The following RBFOX1 variants were observed in gnomAD, a reference collection of about 807,000 sequenced individuals.
RBFOX1 encodes RNA binding fox-1 homolog 1.
RBFOX1 carries 8 observed loss-of-function variants against 57.7 expected under a neutral mutation model. The ratio of observed to expected loss-of-function variants is 0.14; its 90% CI spans 0.08 to 0.25. The LOEUF (loss-of-function observed/expected upper bound fraction) is 0.25, where lower values mean the gene tolerates loss of function less well. Among genes scored for constraint, RBFOX1 ranks in the 10% least tolerant of loss-of-function variants. RBFOX1 has a pLI of 1.00. For missense variants in RBFOX1, 611 were observed against 548.5 expected (o/e 1.11, Z -1.14); for synonymous variants, 326 against 222.4 (o/e 1.47, Z -4.15).
chr16:7,030,347 A>G (rs371029761), intron 3 of RBFOX1, among the ~76,000 whole-genome samples: 5 of 152,186 alleles, frequency 3.3e-5, no homozygotes, highest in East Asian at 1.9e-4. Context: ...TAGCATTGCC[A>G]TAAGTTAACG....
intron 1 of RBFOX1, among the ~76,000 whole-genome samples, chr16:6,114,479 A>G (rs17802677): frequency 4.6e-5 from 7 of 152,316 alleles, no homozygotes; most frequent in Non-Finnish European, 1.0e-4. Flanking sequence ...TAAAAAGGCA[A>G]TAGTTGCTGC....
At position 7,587,833 on chromosome 16, in the gene RBFOX1, T is replaced by G. The variant is rs543694894; in HGVS notation, c.468+533T>G. Among the ~76,000 whole-genome samples, 3 of 152,318 alleles carry G rather than the reference T, an allele frequency of 2.0e-5. No homozygotes were observed. In the South Asian group the frequency reaches 6.2e-4, roughly 32 times the overall value. On this transcript the variant is annotated intron_variant, in intron 7 of 15. Coordinates refer to ENST00000550418, the MANE Select transcript of RBFOX1 (RefSeq NM_018723.4). ...ACCAATTTTTAAATAGATTCCCTAG[T>G]GCTAATAAAAGTCAGGGGCTCTATG...
chr16:7,500,350 T>G (rs1228374472), intron 4 of RBFOX1, among the ~76,000 whole-genome samples: 1 of 152,196 alleles, frequency 6.6e-6, no homozygotes, highest in Non-Finnish European at 1.5e-5. Flanking sequence ...TCTGCTTAGT[T>G]GGGTTGTACT....
chr16:5,631,157 GT>G (rs2048494141), intron 3 of RBFOX1, among the ~76,000 whole-genome samples: 2 of 152,204 alleles, frequency 1.3e-5, no homozygotes, highest in African/African-American at 4.8e-5. Context: ...CATTGAGTAT[GT>G]CGGAATTTGC....
intron 2 of RBFOX1, among the ~76,000 whole-genome samples, chr16:5,471,075 C>A (rs976462552): frequency 6.6e-6 from 1 of 152,116 alleles, no homozygotes; most frequent in African/African-American, 2.4e-5. Context: ...CTCAGGTGAT[C>A]CACCGGCCTC....
chr16:7,368,900 C>G (rs142952322), intron 4 of RBFOX1, among the ~76,000 whole-genome samples: 16 of 152,234 alleles, frequency 1.1e-4, no homozygotes, highest in African/African-American at 3.9e-4. Context: ...AAAGTGCCCT[C>G]TAATGGCCTG....
chr16:7,242,503 G>A (rs1294222125), intron 4 of RBFOX1, among the ~76,000 whole-genome samples: 3 of 152,112 alleles, frequency 2.0e-5, no homozygotes, highest in African/African-American at 4.8e-5. Context: ...ACCTCCCCCT[G>A]CATCCTCATT....
chr16:7,380,817 A>T (rs1298497558), intron 4 of RBFOX1, among the ~76,000 whole-genome samples: 3 of 152,222 alleles, frequency 2.0e-5, no homozygotes, highest in Non-Finnish European at 2.9e-5. Context: ...AGAAATTCAG[A>T]TTTCATAGAA....
chr16:7,034,611 T>C (rs1029610709), intron 3 of RBFOX1, among the ~76,000 whole-genome samples: 3 of 151,930 alleles, frequency 2.0e-5, no homozygotes, highest in Admixed American at 6.6e-5. Flanking sequence ...CCTGGCAATG[T>C]TTTTGTGTCT....
chr16:7,437,257 C>T (rs2058299), intron 4 of RBFOX1, among the ~76,000 whole-genome samples: 2 of 134,394 alleles, frequency 1.5e-5, no homozygotes, highest in African/African-American at 4.9e-5. Flanking sequence ...TTTGCCCCCC[C>T]CCCCTTTCTG....
chr16:6,563,792 A>C (rs183603059), intron 2 of RBFOX1, among the ~76,000 whole-genome samples: 1 of 151,964 alleles, frequency 6.6e-6, no homozygotes, highest in Non-Finnish European at 1.5e-5. Flanking sequence ...AGCCACTGCA[A>C]TCCAGTCTAG....
intron 7 of RBFOX1, among the ~76,000 whole-genome samples, chr16:7,589,912 G>GGTGTGTGTGTGT (rs3029164): frequency 0.12 from 15,650 of 134,858 alleles, 1,217 homozygotes; most frequent in Non-Finnish European, 0.16. Flanking sequence ...GTGTGTGCTG[G>GGTGTGTGTGTGT]GTGTGTGTGT....
At chr16:6,863,294 G>C (rs756485540) in intron 3 of RBFOX1, among the ~76,000 whole-genome samples, 1 of 152,250 alleles carries the variant, frequency 6.6e-6, no homozygotes, top group South Asian at 2.1e-4. Flanking sequence ...TGGGAAAAGT[G>C]ATTAGCAGCA....
chr16:6,147,705 C>G (rs1271240842), intron 1 of RBFOX1, among the ~76,000 whole-genome samples: 2 of 152,174 alleles, frequency 1.3e-5, no homozygotes, highest in Non-Finnish European at 1.5e-5. Flanking sequence ...GAACATGTTA[C>G]GTTCAACTCA....
rs74794865 is a variant in RBFOX1, at chr16:5,413,565, T to C, written c.220-53651T>C. 3.3e-3 allele frequency among the ~76,000 whole-genome samples: 496 copies of C among 152,346 alleles called. 4 individuals are homozygous for C. The highest frequency in any genetic ancestry group is 0.011 in the African/African-American group (472 of 41,582). ...GCCACCATATCAGACAGCACAGACG[T>C]AGAACATTTCCATTGTCACGGGAGG... On this transcript the variant is annotated intron_variant, in intron 1 of 2. Coordinates refer to the RBFOX1 transcript ENST00000585867.
At chr16:5,240,395 C>T (rs1374589004) in intron 1 of RBFOX1, among the ~76,000 whole-genome samples, 1 of 152,124 alleles carries the variant, frequency 6.6e-6, no homozygotes, top group Non-Finnish European at 1.5e-5. Context: ...GTCCTGGGGG[C>T]CCCCAGCAGG....
chr16:7,364,606 G>C (rs1357641073), intron 4 of RBFOX1, among the ~76,000 whole-genome samples: 1 of 149,378 alleles, frequency 6.7e-6, no homozygotes, highest in Non-Finnish European at 1.5e-5. Context: ...AAAAAAACTT[G>C]GATCCCAGAA....
chr16:7,197,836 C>A (rs1414349263), intron 4 of RBFOX1, among the ~76,000 whole-genome samples: 1 of 151,976 alleles, frequency 6.6e-6, no homozygotes, highest in Non-Finnish European at 1.5e-5. Flanking sequence ...ACATGTTATT[C>A]CATTTCCGTG....
At chr16:5,715,163 A>T (rs894749643) in intron 3 of RBFOX1, among the ~76,000 whole-genome samples, 2 of 152,214 alleles carry the variant, frequency 1.3e-5, no homozygotes, top group African/African-American at 4.8e-5. Flanking sequence ...ACTAACCATT[A>T]GATTATTGTT....
Sources: allele counts gnomAD v4.1 joint callset (sites outside exome capture counted in the v4.1 genomes callset), GRCh38; gene constraint gnomAD v4.1.1; transcripts MANE v1.5; gene names NCBI Gene and HGNC (gene_info 2026-07-23, HGNC 2026-07-21).